Variants in DIP2C observed in about 807,000 individuals in gnomAD.
DIP2C encodes the protein DIP2 acetate--CoA ligase C (putative), also known as disco-interacting protein 2 homolog C.
In DIP2C, 33 loss-of-function variants were observed where a neutral mutation model predicts 192.4. That is an observed-to-expected ratio of 0.17 (90% CI 0.13 to 0.23). The LOEUF is 0.23. DIP2C is among the 10% of genes least tolerant of loss of function. DIP2C has a pLI of 1.00. For missense variants in DIP2C, 1,537 were observed against 2,110.1 expected (o/e 0.73, Z 5.32); for synonymous variants, 979 against 864.1 (o/e 1.13, Z -2.33).
At chr10:417,639 T>C (rs111313987) in intron 6 of DIP2C, among the ~76,000 whole-genome samples, 2,470 of 13,794 alleles carry the variant, frequency 0.18, 133 homozygotes, top group Non-Finnish European at 0.29. Context: ...AGGGCTCGGA[T>C]AGGCCTCCCT....
intron 1 of DIP2C, among the ~76,000 whole-genome samples, chr10:571,372 A>G (rs1355342070): frequency 3.3e-5 from 5 of 152,066 alleles, no homozygotes; most frequent in Admixed American, 6.5e-5. Context: ...CTCCTGGAAA[A>G]TCAGCTGTGA....
At position 422,855 on chromosome 10, in the gene DIP2C, C is replaced by G. The variant is rs1292673606; in HGVS notation, c.573G>C (p.Arg191Ser). The G allele has an allele frequency of 1.2e-6, 2 of 1,612,844 alleles. No homozygotes were observed. The highest frequency in any genetic ancestry group is 2.7e-5 in the African/African-American group (2 of 75,036). ...TQSGGSGAAHRLADVMAQTHI... is the reference protein window; with the variant it reads ...TQSGGSGAAHSLADVMAQTHI... ...GGGTCTGAGCCATGACGTCCGCCAG[C>G]CTGTGGGCAGCCCCGCTGCCCCCGC... Residue 191 changes from arginine to serine, a missense_variant, in exon 5 of 37, where the codon AGG becomes AGC. Around this residue, in one of 4 missense-constraint regions of DIP2C, gnomAD observed 473 missense variants for 539.6 expected, o/e 0.88. Coordinates refer to ENST00000280886, the MANE Select transcript of DIP2C (RefSeq NM_014974.3).
intron 6 of DIP2C, 33 bp from the exon 7 acceptor site, chr10:415,921 G>A (rs372738375): frequency 2.0e-5 from 32 of 1,612,876 alleles, no homozygotes; most frequent in Non-Finnish European, 2.3e-5. Context: ...TGGGGAAAGC[G>A]ATCATCACAG....
At chr10:561,434 C>T (rs576475942) in intron 1 of DIP2C, among the ~76,000 whole-genome samples, 34 of 152,182 alleles carry the variant, frequency 2.2e-4, no homozygotes, top group Non-Finnish European at 3.5e-4. Context: ...GAGACCTGCA[C>T]CTCCAGGGCC....
chr10:651,510 G>C lies in DIP2C; in HGVS notation c.85+37984C>G, dbSNP rs540993384. On this transcript the variant is annotated intron_variant, in intron 1 of 36. Transcript: ENST00000280886. The surrounding 1 kb of genome is among the most constrained non-coding windows in gnomAD (Gnocchi z 4.1). ...CAATTATATGAAAATCCGTATCCAC[G>C]TGAAGGTATTATGCAAAAAAAGCTT... 5.2e-5 allele frequency: 28 copies of C among 540,888 alleles called. No homozygotes were observed. Among genetic ancestry groups the C allele is most frequent in the African/African-American group, 4.7e-4 (25 of 53,170 alleles). 33.5% of individuals were successfully genotyped at this position (540,888 alleles called of 1,614,324 possible). A position where few individuals can be genotyped will look rare whatever the true frequency, so the allele number is the denominator to read the frequency against.
At chr10:578,043 A>T (rs1031630491) in intron 1 of DIP2C, among the ~76,000 whole-genome samples, 1 of 151,966 alleles carries the variant, frequency 6.6e-6, no homozygotes, top group African/African-American at 2.4e-5. Flanking sequence ...AATAACTACA[A>T]TCTTAGATTT....
intron 25 of DIP2C, 78 bp from the exon 26 acceptor site, chr10:348,840 T>A (rs1958649177): frequency 6.4e-7 from 1 of 1,568,632 alleles, no homozygotes; most frequent in Non-Finnish European, 8.6e-7. Flanking sequence ...CATCAATGCT[T>A]GTCTGGGGCA....
intron 19 of DIP2C, chr10:365,001 T>C (rs1960018844): frequency 1.9e-6 from 1 of 533,566 alleles, no homozygotes; most frequent in South Asian, 1.4e-5. Flanking sequence ...TAAAATGTTA[T>C]TTGCCCTTGT....
At chr10:519,031 C>G (rs919294630) in intron 1 of DIP2C, among the ~76,000 whole-genome samples, 1 of 152,244 alleles carries the variant, frequency 6.6e-6, no homozygotes, top group African/African-American at 2.4e-5. Flanking sequence ...ATCCAGCACA[C>G]CCATTTCCCC....
intron 5 of DIP2C, among the ~76,000 whole-genome samples, chr10:420,556 C>CT (rs1966114634): frequency 6.6e-6 from 1 of 152,198 alleles, no homozygotes; most frequent in South Asian, 2.1e-4. Context: ...GGGAGGCCTC[C>CT]TCTCAGCTCC....
chr10:367,365 C>T (rs1239725138), intron 18 of DIP2C, among the ~76,000 whole-genome samples: 3 of 150,952 alleles, frequency 2.0e-5, no homozygotes, highest in Admixed American at 2.0e-4. Flanking sequence ...TGCGGTGAAC[C>T]GAGATCGCGC....
intron 22 of DIP2C, among the ~76,000 whole-genome samples, chr10:362,021 CTG>C (rs973171253): frequency 5.3e-5 from 8 of 151,434 alleles, no homozygotes; most frequent in African/African-American, 1.9e-4. Flanking sequence ...CGGAAACAAA[CTG>C]TGCCAATCAA....
chr10:280,236 C>A (rs1469740432), intron 36 of DIP2C, among the ~76,000 whole-genome samples: 1 of 152,158 alleles, frequency 6.6e-6, no homozygotes, highest in East Asian at 1.9e-4. Context: ...GCAGTAAGTA[C>A]CAGCCTTTAT....
At chr10:634,061 CA>C (rs2131898042) in intron 1 of DIP2C, among the ~76,000 whole-genome samples, 1 of 152,370 alleles carries the variant, frequency 6.6e-6, no homozygotes, top group South Asian at 2.1e-4. Context: ...GGACAGTCTC[CA>C]GATCCTATGG....
At chr10:459,258 A>T (rs1286360390) in intron 3 of DIP2C, among the ~76,000 whole-genome samples, 1 of 152,052 alleles carries the variant, frequency 6.6e-6, no homozygotes, top group African/African-American at 2.4e-5. Flanking sequence ...GGAGACAAAG[A>T]GTCAACAGGA....
At chr10:352,687 G>A (rs536592037) in intron 24 of DIP2C, among the ~76,000 whole-genome samples, 1 of 152,290 alleles carries the variant, frequency 6.6e-6, no homozygotes, top group African/African-American at 2.4e-5. Flanking sequence ...GGACCCCACC[G>A]TTGGCTGGGA....
At chr10:604,982 C>G (rs1331018429) in intron 1 of DIP2C, among the ~76,000 whole-genome samples, 1 of 152,222 alleles carries the variant, frequency 6.6e-6, no homozygotes, top group African/African-American at 2.4e-5. Context: ...CCATCTACTT[C>G]CGAAAGATCT....
intron 1 of DIP2C, among the ~76,000 whole-genome samples, chr10:510,491 C>T (rs879728904): frequency 6.6e-6 from 1 of 152,236 alleles, no homozygotes; most frequent in Non-Finnish European, 1.5e-5. Context: ...CTGGGGTTCT[C>T]GTGACCACCT....
intron 1 of DIP2C, among the ~76,000 whole-genome samples, chr10:657,938 T>C (rs1856488908): frequency 1.3e-5 from 2 of 151,648 alleles, no homozygotes; most frequent in Admixed American, 6.6e-5. Context: ...GACCTGCCCC[T>C]GGACCTGCCC....
Sources: gnomAD v4.1 joint callset for allele counts (sites outside exome capture counted in the v4.1 genomes callset) on GRCh38, gnomAD v4.1.1 for gene constraint, gnomAD v4.1.1 regional missense constraint, Gnocchi (gnomAD v3.1) non-coding constraint, MANE v1.5 for transcripts, NCBI Gene and HGNC (gene_info 2026-07-23, HGNC 2026-07-21) for gene names.